The following SERPINA12 variants were observed in gnomAD, a reference collection of about 807,000 sequenced individuals.
SERPINA12 encodes the protein serpin A12.
A neutral mutation model predicts 25.9 loss-of-function variants in SERPINA12; 21 were observed. The observed-to-expected ratio is 0.81, with a 90% CI of 0.58 to 1.17. The LOEUF (loss-of-function observed/expected upper bound fraction) is 1.17. Among genes scored for constraint, SERPINA12 ranks in the 50% most tolerant of loss-of-function variants. The pLI, the probability that SERPINA12 is intolerant of heterozygous loss-of-function variation, is 0.00. For missense variants in SERPINA12, 562 were observed against 508.3 expected, an observed-to-expected ratio of 1.11 and a Z score of -1.02; for synonymous variants, 220 against 196.0, an observed-to-expected ratio of 1.12 and a Z score of -1.02.
chr14:94,510,903 T>A (rs1301331740), upstream of SERPINA12, among the ~76,000 whole-genome samples: 1 of 152,152 alleles, frequency 6.6e-6, no homozygotes, highest in East Asian at 1.9e-4. Context: ...TGAGCACAGG[T>A]ATAAGAATGA....
chr14:94,507,290 T>C (rs980870785), intron 1 of SERPINA12, among the ~76,000 whole-genome samples: 1 of 152,162 alleles, frequency 6.6e-6, no homozygotes, highest in Non-Finnish European at 1.5e-5. Context: ...GAAAATATAT[T>C]AATAGTAGAC....
chr14:94,495,360 G>A (rs1016154623), intron 3 of SERPINA12, among the ~76,000 whole-genome samples: 9 of 151,956 alleles, frequency 5.9e-5, no homozygotes, highest in African/African-American at 9.7e-5. Flanking sequence ...GAGCCACCGC[G>A]CCCGGCCAGA....
intron 2 of SERPINA12, 37 bp downstream of exon 2, chr14:94,497,727 T>A: frequency 6.4e-7 from 1 of 1,559,902 alleles, no homozygotes; most frequent in East Asian, 2.2e-5. Context: ...CTAGTGGTCA[T>A]CCTATTCTTT....
upstream of SERPINA12, among the ~76,000 whole-genome samples, chr14:94,509,504 A>G (rs1356470203): frequency 6.6e-6 from 1 of 151,910 alleles, no homozygotes; most frequent in Non-Finnish European, 1.5e-5. Flanking sequence ...TTATCTACAA[A>G]CTGGGTGGAC....
intron 1 of SERPINA12, among the ~76,000 whole-genome samples, chr14:94,501,933 A>C (rs1489260446): frequency 6.6e-6 from 1 of 151,980 alleles, no homozygotes; most frequent in African/African-American, 2.4e-5. Context: ...TAATTCCATC[A>C]ATTAAAATAG....
chr14:94,489,329 G>A (rs1900052427), intron 4 of SERPINA12, among the ~76,000 whole-genome samples: 1 of 152,206 alleles, frequency 6.6e-6, no homozygotes, highest in African/African-American at 2.4e-5. Flanking sequence ...GTCTGGGTTA[G>A]ACCTAGACCA....
intron 1 of SERPINA12, among the ~76,000 whole-genome samples, chr14:94,516,528 A>AG (rs1173812439): frequency 2.0e-5 from 3 of 152,128 alleles, no homozygotes; most frequent in Non-Finnish European, 4.4e-5. Context: ...CAGCAGGTGA[A>AG]GGGGGGCAGC....
intron 1 of SERPINA12, chr14:94,503,306 G>A (rs763174275): frequency 3.0e-6 from 3 of 985,324 alleles, no homozygotes; most frequent in Non-Finnish European, 3.6e-6. Flanking sequence ...AACAAAGAGT[G>A]GAGAACATGT....
intron 3 of SERPINA12, among the ~76,000 whole-genome samples, chr14:94,491,614 T>C (rs1595685697): frequency 6.6e-6 from 1 of 151,784 alleles, no homozygotes; most frequent in Non-Finnish European, 1.5e-5. Context: ...AAATTCCAGA[T>C]GTGGTTTGCT....
intron 1 of SERPINA12, chr14:94,516,162 G>A (rs1901226739): frequency 1.3e-5 from 2 of 152,454 alleles, no homozygotes; most frequent in South Asian, 4.1e-4. Context: ...ACACTGCAAA[G>A]AGTGATATGA....
At chr14:94,494,561 G>A (rs60515198) in intron 3 of SERPINA12, among the ~76,000 whole-genome samples, 2,084 of 152,172 alleles carry the variant, frequency 0.014, 56 homozygotes, top group East Asian at 0.12. Context: ...AGCCTCACCC[G>A]CCCCTCCCAC....
At chr14:94,495,067 T>TTA (rs1555377340) in intron 3 of SERPINA12, among the ~76,000 whole-genome samples, 2 of 103,522 alleles carry the variant, frequency 1.9e-5, no homozygotes, top group African/African-American at 7.0e-5. Context: ...TCCCTTTCTT[T>TTA]TTTTTTTTTT....
At chr14:94,501,009 C>T in intron 1 of SERPINA12, 1 of 984,958 alleles carries the variant, frequency 1.0e-6, no homozygotes, top group African/African-American at 1.8e-5. Flanking sequence ...GCACCTTCTA[C>T]CCCCAAAAAC....
upstream of SERPINA12, among the ~76,000 whole-genome samples, chr14:94,510,490 C>T (rs1053766751): frequency 2.0e-5 from 3 of 152,102 alleles, no homozygotes; most frequent in Non-Finnish European, 4.4e-5. Flanking sequence ...TGAAAGGGAA[C>T]ACTTTTACAC....
intron 3 of SERPINA12, among the ~76,000 whole-genome samples, chr14:94,490,559 C>T (rs1039515676): frequency 1.3e-5 from 2 of 152,176 alleles, no homozygotes; most frequent in Admixed American, 1.3e-4. Flanking sequence ...TGATCCTCCT[C>T]TGGAGGAGGC....
At chr14:94,490,195 C>T (rs1900110054) in intron 3 of SERPINA12, among the ~76,000 whole-genome samples, 1 of 152,190 alleles carries the variant, frequency 6.6e-6, no homozygotes, top group Non-Finnish European at 1.5e-5. Context: ...CTCTGCCTCT[C>T]ATGAGCTCTG....
At chr14:94,492,077 A>C (rs1159292378) in intron 3 of SERPINA12, among the ~76,000 whole-genome samples, 1 of 152,036 alleles carries the variant, frequency 6.6e-6, no homozygotes, top group South Asian at 2.1e-4. Context: ...GTGATGTGAG[A>C]GTGGAGAGCT....
intron 4 of SERPINA12, 117 bp downstream of exon 4, chr14:94,489,503 C>T (rs915402148): frequency 1.1e-5 from 13 of 1,217,804 alleles, no homozygotes; most frequent in African/African-American, 6.0e-5. Context: ...CATTCATGCC[C>T]GCCCCGACTG....
intron 2 of SERPINA12, among the ~76,000 whole-genome samples, chr14:94,515,081 G>T (rs934806075): frequency 9.2e-5 from 14 of 152,242 alleles, no homozygotes; most frequent in Admixed American, 1.3e-4. Flanking sequence ...GTCAGGGTGT[G>T]CTAGGCCTGG....
Sources: allele counts gnomAD v4.1 joint callset (sites outside exome capture counted in the v4.1 genomes callset), GRCh38; gene constraint gnomAD v4.1.1; transcripts MANE v1.5; gene names NCBI Gene and HGNC (gene_info 2026-07-23, HGNC 2026-07-21).